SIPA1L1: variants seen among roughly 807,000 people sequenced by gnomAD.
The protein encoded by SIPA1L1 is signal induced proliferation associated 1 like 1, also known as signal-induced proliferation-associated 1-like protein 1.
In SIPA1L1, 26 loss-of-function variants were observed where a neutral mutation model predicts 162.7. The observed-to-expected ratio is 0.16, with a 90% CI of 0.12 to 0.22. The LOEUF is 0.22. Among genes scored for constraint, SIPA1L1 ranks in the 10% least tolerant of loss-of-function variants. SIPA1L1 has a pLI of 1.00. For missense variants in SIPA1L1, 1,874 were observed against 2,241.0 expected (o/e 0.84, Z 3.31); for synonymous variants, 829 against 837.4 (o/e 0.99, Z 0.17).
At position 71,672,015 on chromosome 14, in the gene SIPA1L1, T is replaced by G. The variant is rs535020187; in HGVS notation, c.2829+323T>G. ...GCAGTCCAGTCATCTGGTGGTGGTG[T>G]TGAAAAGAATTGCTTGAGTATCTGC... On this transcript the variant is annotated intron_variant, in intron 11 of 23. Transcript: ENST00000381232. 3.4e-4 allele frequency among the ~76,000 whole-genome samples: 51 copies of G among 151,906 alleles called. 1 individual carries two copies. The South Asian group carries it at 5.4e-3, about 16-fold the overall frequency.
chr14:71,421,527 A>T (rs2140618488), intron 2 of SIPA1L1, among the ~76,000 whole-genome samples: 1 of 152,262 alleles, frequency 6.6e-6, no homozygotes, highest in East Asian at 1.9e-4. Flanking sequence ...TGAGCCCAGG[A>T]GTTGAAGGCA....
At chr14:71,511,327 C>G (rs2051130785) in intron 2 of SIPA1L1, among the ~76,000 whole-genome samples, 1 of 152,132 alleles carries the variant, frequency 6.6e-6, no homozygotes, top group Non-Finnish European at 1.5e-5. Context: ...CACTGTTGCC[C>G]AGGCTGTAGT....
intron 2 of SIPA1L1, among the ~76,000 whole-genome samples, chr14:71,446,912 T>TTTG (rs1555425851): frequency 5.5e-5 from 7 of 127,826 alleles, no homozygotes; most frequent in African/African-American, 2.2e-4. Flanking sequence ...TTTTGTTTTT[T>TTTG]TTTTTTTTTT....
intron 12 of SIPA1L1, among the ~76,000 whole-genome samples, chr14:71,678,436 A>G (rs1269540702): frequency 6.6e-6 from 1 of 152,080 alleles, no homozygotes; most frequent in African/African-American, 2.4e-5. Context: ...TATATGCTGG[A>G]TTACATTTAT....
chr14:71,549,958 CTT>C (rs1308047009), intron 4 of SIPA1L1, among the ~76,000 whole-genome samples: 2 of 152,084 alleles, frequency 1.3e-5, no homozygotes, highest in East Asian at 3.9e-4. Context: ...TGCAAAGAAG[CTT>C]TGGACAAGGC....
intron 2 of SIPA1L1, among the ~76,000 whole-genome samples, chr14:71,330,005 G>A (rs2034328198): frequency 1.3e-5 from 2 of 152,126 alleles, no homozygotes; most frequent in Admixed American, 6.6e-5. Flanking sequence ...AAATCCCCAA[G>A]ATTCTTTTGG....
intron 10 of SIPA1L1, among the ~76,000 whole-genome samples, chr14:71,662,315 A>G (rs759968490): frequency 6.6e-6 from 1 of 152,232 alleles, no homozygotes; most frequent in Non-Finnish European, 1.5e-5. Context: ...TAGGGAAAAA[A>G]AACAAGTAGA....
chr14:71,546,363 T>C (rs2055194754), intron 4 of SIPA1L1, among the ~76,000 whole-genome samples: 1 of 112,550 alleles, frequency 8.9e-6, no homozygotes, highest in South Asian at 3.1e-4. Flanking sequence ...TGTATTGTTT[T>C]TTCTTTTTCT....
chr14:71,437,963 C>T (rs1230203116), intron 2 of SIPA1L1, among the ~76,000 whole-genome samples: 1 of 152,066 alleles, frequency 6.6e-6, no homozygotes, highest in Non-Finnish European at 1.5e-5. Context: ...AGCATCTATC[C>T]TAAAGAAAAC....
At chr14:71,606,564 G>T (rs1222964726) in intron 5 of SIPA1L1, among the ~76,000 whole-genome samples, 2 of 152,128 alleles carry the variant, frequency 1.3e-5, no homozygotes, top group Non-Finnish European at 1.5e-5. Flanking sequence ...CCTGAGCACT[G>T]CCCTGGCACG....
At chr14:71,460,894 G>C (rs1469876158) in intron 2 of SIPA1L1, among the ~76,000 whole-genome samples, 1 of 152,154 alleles carries the variant, frequency 6.6e-6, no homozygotes, top group African/African-American at 2.4e-5. Context: ...TTGTAATTGT[G>C]ACTTCAAAAG....
intron 2 of SIPA1L1, among the ~76,000 whole-genome samples, chr14:71,400,136 C>G (rs960759306): frequency 6.6e-6 from 1 of 152,084 alleles, no homozygotes; most frequent in Non-Finnish European, 1.5e-5. Flanking sequence ...AGCCCAAGAA[C>G]TCACATTTTA....
At chr14:71,428,905 A>G (rs2043783289) in intron 2 of SIPA1L1, among the ~76,000 whole-genome samples, 1 of 152,214 alleles carries the variant, frequency 6.6e-6, no homozygotes, top group Non-Finnish European at 1.5e-5. Context: ...GCCAAAATTA[A>G]ATGAAAATAA....
rs2055058923 is a variant in SIPA1L1, at chr14:71,545,054, C to G, written c.-303+15684C>G. Reference sequence around the variant, plus strand: ...ATTTTTATTTTTGTAGAGGTGCTATCTCACTATGTTGCTCAGGCTGGTCTC... The same window carrying G: ...ATTTTTATTTTTGTAGAGGTGCTATGTCACTATGTTGCTCAGGCTGGTCTC... On this transcript the variant is annotated intron_variant, in intron 4 of 23. Transcript: ENST00000381232. Among the ~76,000 whole-genome samples the G allele has an allele frequency of 2.0e-5, 3 of 152,046 alleles. No individual in the cohort carries two copies. In the South Asian group the frequency reaches 6.2e-4, roughly 32 times the overall value.
In SIPA1L1 at chr14:71,661,365, C is replaced by T. The variant is rs1443386354; in HGVS notation, c.2153C>T (p.Pro718Leu). ...NDIVTIVFQE[P>L]GAQPFSPKNI... ...ATCGTAACAATTGTTTTCCAAGAGC[C>T]TGGAGCACAGCCATTCAGCCCAAAA... Residue 718 changes from proline (P) to leucine (L), a missense_variant, in exon 10 of 24, where the codon CCT (proline) becomes CTT (leucine). By Grantham distance (98) the Pro-to-Leu change is moderately conservative. This residue lies in a region of SIPA1L1 where 243 missense variants were observed against 315.0 expected (regional missense o/e 0.77). Transcript: ENST00000381232. 2.7e-5 allele frequency: 43 copies of T among 1,613,868 alleles called. No homozygotes were observed. The highest frequency in any genetic ancestry group is 3.6e-5 in the Non-Finnish European group (42 of 1,179,942).
intron 17 of SIPA1L1, among the ~76,000 whole-genome samples, chr14:71,712,256 T>A (rs1349490082): frequency 4.6e-5 from 7 of 152,152 alleles, no homozygotes; most frequent in Non-Finnish European, 7.3e-5. Flanking sequence ...GTCTCCCTCT[T>A]GATGATCATG....
At chr14:71,694,615 TC>T (rs1164208147) in intron 13 of SIPA1L1, among the ~76,000 whole-genome samples, 2 of 152,160 alleles carry the variant, frequency 1.3e-5, no homozygotes, top group African/African-American at 4.8e-5. Context: ...GAGAAGAAAA[TC>T]TTCTGAAATT....
At chr14:71,387,519 T>A (rs556379394) in intron 2 of SIPA1L1, among the ~76,000 whole-genome samples, 1 of 152,270 alleles carries the variant, frequency 6.6e-6, no homozygotes, top group Non-Finnish European at 1.5e-5. Flanking sequence ...ATCAAAGACA[T>A]CATTACTGTA....
intron 5 of SIPA1L1, among the ~76,000 whole-genome samples, chr14:71,614,920 T>C (rs2038659734): frequency 6.6e-6 from 1 of 152,196 alleles, no homozygotes; most frequent in Admixed American, 6.5e-5. Flanking sequence ...ATTTTTAGTT[T>C]ATAAATTTAT....
Sources: gnomAD v4.1 joint callset for allele counts (sites outside exome capture counted in the v4.1 genomes callset) on GRCh38, gnomAD v4.1.1 for gene constraint, gnomAD v4.1.1 regional missense constraint, MANE v1.5 for transcripts, NCBI Gene and HGNC (gene_info 2026-07-23, HGNC 2026-07-21) for gene names.